SERGEF: variants seen among roughly 807,000 people sequenced by gnomAD.
SERGEF encodes secretion-regulating guanine nucleotide exchange factor.
SERGEF carries 51 observed loss-of-function variants against 50.0 expected under a neutral mutation model. That is an observed-to-expected ratio of 1.02 (90% confidence interval 0.81 to 1.29). The LOEUF is 1.29. SERGEF is among the 50% of genes most tolerant of loss of function. The pLI is 0.00. For missense variants in SERGEF, 521 were observed against 557.0 expected, an observed-to-expected ratio of 0.94 and a Z score of 0.65; for synonymous variants, 205 against 212.4, an observed-to-expected ratio of 0.97 and a Z score of 0.30.
intron 4 of SERGEF, among the ~76,000 whole-genome samples, chr11:18,004,207 T>C (rs906206251): frequency 9.2e-5 from 14 of 152,248 alleles, no homozygotes; most frequent in South Asian, 4.1e-4. Flanking sequence ...ATTACTCTTA[T>C]TGTTTTATTT....
chr11:17,930,769 T>C (rs1852336983), intron 9 of SERGEF, among the ~76,000 whole-genome samples: 1 of 152,146 alleles, frequency 6.6e-6, no homozygotes, highest in Non-Finnish European at 1.5e-5. Context: ...GACAAGAGTT[T>C]CCCTTATTCA....
At chr11:17,902,197 T>TTGACTGGTA (rs58301952) in intron 9 of SERGEF, among the ~76,000 whole-genome samples, 101,259 of 151,644 alleles carry the variant, frequency 0.67, 34,606 homozygotes, top group African/African-American at 0.77. Flanking sequence ...GTAGTCCACT[T>TTGACTGGTA]TGACAAACCT....
intron 9 of SERGEF, among the ~76,000 whole-genome samples, chr11:17,894,005 C>G (rs144651316): frequency 2.6e-5 from 4 of 152,194 alleles, no homozygotes; most frequent in South Asian, 2.1e-4. Flanking sequence ...ACCTCTCCCC[C>G]ACTCTGTCAA....
intron 8 of SERGEF, among the ~76,000 whole-genome samples, chr11:17,976,457 ATTTTT>A (rs67114053): frequency 2.0e-5 from 2 of 99,000 alleles, no homozygotes; most frequent in Admixed American, 1.1e-4. Context: ...GCTAATTTTC[ATTTTT>A]TTTTTTTTTT....
At chr11:17,893,699 T>C (rs968291943) in intron 9 of SERGEF, among the ~76,000 whole-genome samples, 10 of 152,302 alleles carry the variant, frequency 6.6e-5, no homozygotes, top group Admixed American at 5.2e-4. Flanking sequence ...TCAACTCTCA[T>C]ATGATGTGAT....
Position 17,833,692 on chromosome 11 carries a change from T to C in SERGEF, c.1048+44516A>G, listed in dbSNP as rs767626486. 9.2e-5 allele frequency among the ~76,000 whole-genome samples: 14 copies of C among 152,224 alleles called. 1 individual carries two copies. Among genetic ancestry groups the C allele is most frequent in the African/African-American group, 2.9e-4 (12 of 41,456 alleles). On this transcript the variant is annotated intron_variant, in intron 10 of 10. Transcript: ENST00000265965. Reference sequence around the variant, plus strand: ...GCTCAGGACTATGGGAACCTACCTCTTGCATCAAGTGACCTGGATGTGAGA... The same window carrying C: ...GCTCAGGACTATGGGAACCTACCTCCTGCATCAAGTGACCTGGATGTGAGA...
At chr11:17,979,861 A>AC (rs1853457124) in intron 8 of SERGEF, among the ~76,000 whole-genome samples, 1 of 152,064 alleles carries the variant, frequency 6.6e-6, no homozygotes, top group Admixed American at 6.6e-5. Context: ...AGAATTTGAA[A>AC]CCCCCAGGCA....
intron 9 of SERGEF, among the ~76,000 whole-genome samples, chr11:17,946,383 A>G (rs909739988): frequency 1.3e-5 from 2 of 152,190 alleles, no homozygotes; most frequent in Non-Finnish European, 2.9e-5. Context: ...TGGTGCCTAG[A>G]AAGTGCTTAG....
intron 10 of SERGEF, among the ~76,000 whole-genome samples, chr11:17,817,461 C>T (rs1350266340): frequency 6.6e-6 from 1 of 152,124 alleles, no homozygotes; most frequent in Non-Finnish European, 1.5e-5. Flanking sequence ...CGTGATCTGC[C>T]TGCCTCAGCC....
chr11:17,873,867 C>G (rs371153125), intron 10 of SERGEF, among the ~76,000 whole-genome samples: 1 of 152,182 alleles, frequency 6.6e-6, no homozygotes, highest in East Asian at 1.9e-4. Flanking sequence ...AAAACAACTG[C>G]ACATCAGGAA....
intron 10 of SERGEF, among the ~76,000 whole-genome samples, chr11:17,874,904 T>C (rs1420017508): frequency 6.6e-6 from 1 of 152,172 alleles, no homozygotes; most frequent in African/African-American, 2.4e-5. Flanking sequence ...GGCTTATAAT[T>C]ACTTCCTTCC....
At chr11:17,836,197 G>A (rs1244449983) in intron 10 of SERGEF, among the ~76,000 whole-genome samples, 1 of 152,226 alleles carries the variant, frequency 6.6e-6, no homozygotes, top group East Asian at 1.9e-4. Context: ...CAGACTAATA[G>A]CTACTTCCTG....
chr11:17,917,353 G>A (rs1051909555), intron 9 of SERGEF, among the ~76,000 whole-genome samples: 7 of 152,172 alleles, frequency 4.6e-5, no homozygotes, highest in Non-Finnish European at 8.8e-5. Context: ...ACTCATAAGT[G>A]GGAGCTAAAC....
chr11:18,000,996 C>T (rs545068585), intron 4 of SERGEF, among the ~76,000 whole-genome samples: 2 of 152,282 alleles, frequency 1.3e-5, no homozygotes, highest in South Asian at 4.1e-4. Context: ...CAAAGTTTCC[C>T]AACATGATCT....
chr11:17,881,445 G>C lies in SERGEF; in HGVS notation c.1012-3201C>G, dbSNP rs919160106. Among the ~76,000 whole-genome samples, 6 of 152,292 alleles carry C rather than the reference G, an allele frequency of 3.9e-5. No individual in the cohort carries two copies. In the East Asian group the frequency reaches 1.2e-3, roughly 29 times the overall value. On this transcript the variant is annotated intron_variant, in intron 9 of 10. Transcript: ENST00000265965. ...TTGCTGTCTGTGTGCTGGCATAGAG[G>C]TCAGGACACTGAACACCACAGGCTG...
chr11:17,978,021 TA>T (rs1307867328), intron 8 of SERGEF, among the ~76,000 whole-genome samples: 1 of 152,174 alleles, frequency 6.6e-6, no homozygotes, highest in East Asian at 1.9e-4. Flanking sequence ...CATGATGAAA[TA>T]AAATAAGCTT....
chr11:17,986,202 T>A (rs1853593124), intron 8 of SERGEF, among the ~76,000 whole-genome samples: 2 of 152,190 alleles, frequency 1.3e-5, no homozygotes, highest in South Asian at 4.1e-4. Context: ...CTGAGTCTGA[T>A]TAAATAGAAG....
At chr11:17,967,525 T>G (rs768262913) in intron 8 of SERGEF, among the ~76,000 whole-genome samples, 1 of 152,204 alleles carries the variant, frequency 6.6e-6, no homozygotes, top group Non-Finnish European at 1.5e-5. Flanking sequence ...CTGACTTTAT[T>G]AGCTACCAAA....
At chr11:17,998,006 A>G (rs1420975958) in intron 5 of SERGEF, among the ~76,000 whole-genome samples, 1 of 152,204 alleles carries the variant, frequency 6.6e-6, no homozygotes, top group Admixed American at 6.5e-5. Context: ...AAAATGGTTA[A>G]GATAATAAAC....
Sources: gnomAD v4.1 joint callset for allele counts (sites outside exome capture counted in the v4.1 genomes callset) on GRCh38, gnomAD v4.1.1 for gene constraint, MANE v1.5 for transcripts, NCBI Gene and HGNC (gene_info 2026-07-23, HGNC 2026-07-21) for gene names.